The following NALCN variants were observed in gnomAD, a reference collection of about 807,000 sequenced individuals.
NALCN encodes sodium leak channel, non-selective, also known as sodium leak channel NALCN.
A neutral mutation model predicts 225.3 loss-of-function variants in NALCN; 111 were observed. That is an observed-to-expected ratio of 0.49 (90% CI 0.42 to 0.58). The LOEUF (loss-of-function observed/expected upper bound fraction) is 0.58, where lower values mean the gene tolerates loss of function less well. Among genes scored for constraint, NALCN ranks in the 20% least tolerant of loss-of-function variants. The pLI is 0.00. For missense variants in NALCN, 1,378 were observed against 2,202.4 expected, an observed-to-expected ratio of 0.63 and a Z score of 7.49; for synonymous variants, 764 against 769.0, an observed-to-expected ratio of 0.99 and a Z score of 0.11.
chr13:101,298,631 C>G (rs1285990523), intron 7 of NALCN, among the ~76,000 whole-genome samples: 2 of 152,128 alleles, frequency 1.3e-5, no homozygotes, highest in Non-Finnish European at 2.9e-5. Flanking sequence ...AACTGCAGAA[C>G]TAATGAAAAA....
intron 1 of NALCN, among the ~76,000 whole-genome samples, chr13:101,413,179 A>C (rs1453782445): frequency 6.6e-6 from 1 of 152,238 alleles, no homozygotes; most frequent in Non-Finnish European, 1.5e-5. Flanking sequence ...TAGGAAATCA[A>C]TTTAAAGACA....
intron 28 of NALCN, among the ~76,000 whole-genome samples, chr13:101,091,130 T>A (rs1021079218): frequency 2.6e-5 from 4 of 152,184 alleles, no homozygotes; most frequent in Admixed American, 6.6e-5. Context: ...TTCCTTCTTA[T>A]TAGAGGCTAA....
At chr13:101,206,056 C>T (rs958836232) in intron 13 of NALCN, among the ~76,000 whole-genome samples, 2 of 151,950 alleles carry the variant, frequency 1.3e-5, no homozygotes, top group Non-Finnish European at 2.9e-5. Flanking sequence ...AACCACACTT[C>T]AGACATGGAG....
At chr13:101,131,845 A>G (rs1245185671) in intron 17 of NALCN, among the ~76,000 whole-genome samples, 1 of 152,194 alleles carries the variant, frequency 6.6e-6, no homozygotes, top group Non-Finnish European at 1.5e-5. Context: ...TCAAGGTTAA[A>G]AAACAATGTC....
chr13:101,122,956 T>C (rs1188045624), intron 18 of NALCN, among the ~76,000 whole-genome samples: 1 of 152,224 alleles, frequency 6.6e-6, no homozygotes, highest in Non-Finnish European at 1.5e-5. Context: ...TCCTTTTGCT[T>C]GGCAACCCAG....
intron 42 of NALCN, chr13:101,058,278 A>G (rs934410586): frequency 5.8e-6 from 3 of 515,054 alleles, no homozygotes; most frequent in Non-Finnish European, 1.0e-5. Flanking sequence ...TTCCTGGGAC[A>G]TCTTGTCCTG....
intron 13 of NALCN, among the ~76,000 whole-genome samples, chr13:101,201,095 G>A (rs1424408293): frequency 6.6e-6 from 1 of 152,128 alleles, no homozygotes; most frequent in Non-Finnish European, 1.5e-5. Flanking sequence ...CAATAAACCT[G>A]TAACTCTAAG....
chr13:101,157,566 T>C (rs1197141648), intron 15 of NALCN, among the ~76,000 whole-genome samples: 1 of 152,136 alleles, frequency 6.6e-6, no homozygotes, highest in African/African-American at 2.4e-5. Flanking sequence ...GAAAGTTGGA[T>C]TATAAATGAG....
At chr13:101,243,505 C>T (rs893944570) in intron 11 of NALCN, among the ~76,000 whole-genome samples, 1 of 104,752 alleles carries the variant, frequency 9.5e-6, no homozygotes, top group African/African-American at 3.4e-5. Context: ...CTGAGTCTCC[C>T]TTTGTGTGTG....
intron 6 of NALCN, among the ~76,000 whole-genome samples, chr13:101,360,189 C>CCTCTCTCTCTCTCTCTCTCTCTCT (rs759523803): frequency 7.8e-5 from 7 of 89,240 alleles, no homozygotes; most frequent in Non-Finnish European, 1.4e-4. Flanking sequence ...TTCCTCTCTT[C>CCTCTCTCTCTCTCTCTCTCTCTCT]CTCTCTCTCT....
chr13:101,227,441 T>G (rs2041187733), intron 13 of NALCN, among the ~76,000 whole-genome samples: 1 of 152,068 alleles, frequency 6.6e-6, no homozygotes, highest in Non-Finnish European at 1.5e-5. Flanking sequence ...AGAGATTGAC[T>G]CCTTGTTGAT....
chr13:101,412,182 T>C lies in NALCN; in HGVS notation c.-40+4131A>G, dbSNP rs75032344. 9.2e-3 allele frequency among the ~76,000 whole-genome samples: 1,399 copies of C among 152,322 alleles called. 15 individuals carry two copies. Among genetic ancestry groups the C allele is most frequent in the Non-Finnish European group, 0.014 (950 of 68,030 alleles). ...ATCTGAAGATTTGGATTGTTTTTAA[T>C]CTAAAAGAAAAAAAGAATCTTATCT... On this transcript the variant is annotated intron_variant, in intron 1 of 43. Coordinates refer to ENST00000251127, the MANE Select transcript of NALCN (RefSeq NM_052867.4).
chr13:101,302,269 A>C (rs1222959051), intron 7 of NALCN, among the ~76,000 whole-genome samples: 1 of 152,182 alleles, frequency 6.6e-6, no homozygotes, highest in Non-Finnish European at 1.5e-5. Flanking sequence ...AATAAGGTAG[A>C]CCTGGTCAGT....
At chr13:101,361,094 T>C (rs1248232132) in intron 6 of NALCN, among the ~76,000 whole-genome samples, 1 of 152,200 alleles carries the variant, frequency 6.6e-6, no homozygotes, top group Admixed American at 6.6e-5. Flanking sequence ...GGAATCAGTA[T>C]TTTTTACAAC....
At chr13:101,199,484 T>A (rs1365869161) in intron 13 of NALCN, among the ~76,000 whole-genome samples, 1 of 151,064 alleles carries the variant, frequency 6.6e-6, no homozygotes, top group Non-Finnish European at 1.5e-5. Flanking sequence ...AAATGATGAG[T>A]TCATGTCCTT....
At chr13:101,213,710 C>T (rs2040615096) in intron 13 of NALCN, among the ~76,000 whole-genome samples, 3 of 152,100 alleles carry the variant, frequency 2.0e-5, no homozygotes, top group Admixed American at 2.0e-4. Context: ...TCATCACTGG[C>T]CATCAGAGAA....
intron 18 of NALCN, among the ~76,000 whole-genome samples, chr13:101,113,856 C>T (rs1223356754): frequency 1.3e-5 from 2 of 152,138 alleles, no homozygotes; most frequent in Non-Finnish European, 2.9e-5. Context: ...TAGTTATTCC[C>T]CTTACTAGGC....
chr13:101,395,435 C>T lies in NALCN; in HGVS notation c.109-70G>A, dbSNP rs151202739. 141 of 1,467,902 alleles carry T rather than the reference C, an allele frequency of 9.6e-5. No homozygotes were observed. The East Asian group carries it at 2.9e-3, about 30-fold the overall frequency. 90.9% of individuals were successfully genotyped at this position (1,467,902 alleles called of 1,614,324 possible). ...TCTCAAACTTGTATTATGAACCACACTAAGTGGAAAACATAATACTGAGGT... is the reference window on the plus strand; with the variant it reads ...TCTCAAACTTGTATTATGAACCACATTAAGTGGAAAACATAATACTGAGGT... On this transcript the variant is annotated intron_variant, in intron 2 of 43. Transcript: ENST00000251127.
intron 10 of NALCN, among the ~76,000 whole-genome samples, chr13:101,273,816 C>T (rs1194067080): frequency 7.0e-6 from 1 of 143,708 alleles, no homozygotes; most frequent in Non-Finnish European, 1.5e-5. Flanking sequence ...ACCCAGGAGG[C>T]GGAGCTTTCA....
Sources: allele counts gnomAD v4.1 joint callset (sites outside exome capture counted in the v4.1 genomes callset), GRCh38; gene constraint gnomAD v4.1.1; transcripts MANE v1.5; gene names NCBI Gene and HGNC (gene_info 2026-07-23, HGNC 2026-07-21).